DSCAML1: variants seen among roughly 807,000 people sequenced by gnomAD.
The protein encoded by DSCAML1 is cell adhesion molecule DSCAML1.
DSCAML1 carries 38 observed loss-of-function variants against 200.5 expected under a neutral mutation model. The ratio of observed to expected loss-of-function variants is 0.19; its 90% CI spans 0.15 to 0.25. The LOEUF (loss-of-function observed/expected upper bound fraction) is 0.25, where lower values mean the gene tolerates loss of function less well. Among genes scored for constraint, DSCAML1 ranks in the 10% least tolerant of loss-of-function variants. The pLI, the probability that DSCAML1 is intolerant of heterozygous loss-of-function variation, is 1.00. For missense variants in DSCAML1, 2,223 were observed against 2,858.8 expected (o/e 0.78, Z 5.07); for synonymous variants, 1,215 against 1,165.0 (o/e 1.04, Z -0.87).
intron 3 of DSCAML1, among the ~76,000 whole-genome samples, chr11:117,552,019 G>A (rs2050475358): frequency 6.6e-6 from 1 of 151,054 alleles, no homozygotes; most frequent in Non-Finnish European, 1.5e-5. Context: ...GAGTATGGAG[G>A]GGGAAGAGAA....
At chr11:117,491,429 A>G (rs1396322561) in intron 11 of DSCAML1, among the ~76,000 whole-genome samples, 1 of 152,242 alleles carries the variant, frequency 6.6e-6, no homozygotes, top group Non-Finnish European at 1.5e-5. Context: ...TGGCAGAGTC[A>G]GGCCATGGCC....
At chr11:117,545,565 G>C (rs2050358145) in intron 3 of DSCAML1, among the ~76,000 whole-genome samples, 1 of 152,176 alleles carries the variant, frequency 6.6e-6, no homozygotes, top group African/African-American at 2.4e-5. Flanking sequence ...ATGAAGATGG[G>C]GAGGGGAGAA....
chr11:117,612,646 C>A (rs1341949619), intron 3 of DSCAML1, among the ~76,000 whole-genome samples: 1 of 152,220 alleles, frequency 6.6e-6, no homozygotes, highest in Non-Finnish European at 1.5e-5. Flanking sequence ...AGCAGCCCTC[C>A]CCAGCCAGTG....
At chr11:117,562,562 A>G (rs1438506172) in intron 3 of DSCAML1, among the ~76,000 whole-genome samples, 2 of 152,220 alleles carry the variant, frequency 1.3e-5, no homozygotes, top group Non-Finnish European at 2.9e-5. Flanking sequence ...TCTGAGGCCC[A>G]AGGTTAAAGA....
At chr11:117,455,011 T>C (rs2048346444) in intron 19 of DSCAML1, among the ~76,000 whole-genome samples, 1 of 152,184 alleles carries the variant, frequency 6.6e-6, no homozygotes, top group Non-Finnish European at 1.5e-5. Flanking sequence ...ATTCAGCAAA[T>C]GTCCCCTAGG....
chr11:117,727,617 G>A (rs563161340), intron 3 of DSCAML1, among the ~76,000 whole-genome samples: 7 of 152,192 alleles, frequency 4.6e-5, no homozygotes, highest in Admixed American at 6.5e-5. Flanking sequence ...GGTGAATGTC[G>A]GCAGGGATCA....
chr11:117,581,471 A>G (rs2051038789), intron 3 of DSCAML1, among the ~76,000 whole-genome samples: 1 of 152,006 alleles, frequency 6.6e-6, no homozygotes, highest in Admixed American at 6.6e-5. Context: ...CCCCAACCCC[A>G]GCTCCTGGCA....
At chr11:117,517,180 C>A (rs1013510839) in intron 7 of DSCAML1, among the ~76,000 whole-genome samples, 6 of 151,974 alleles carry the variant, frequency 3.9e-5, no homozygotes, top group African/African-American at 1.5e-4. Flanking sequence ...GATCTCGTAC[C>A]CAAAAGGAAT....
chr11:117,802,307 G>A (rs2055667658), intron 1 of DSCAML1, among the ~76,000 whole-genome samples: 1 of 152,144 alleles, frequency 6.6e-6, no homozygotes, highest in African/African-American at 2.4e-5. Flanking sequence ...CACTGCCTCA[G>A]ACATCTACTT....
intron 3 of DSCAML1, among the ~76,000 whole-genome samples, chr11:117,702,246 G>A (rs907930705): frequency 1.2e-4 from 18 of 152,150 alleles, no homozygotes; most frequent in African/African-American, 3.4e-4. Flanking sequence ...CTGATGAGGC[G>A]CAGAAAATCC....
intron 14 of DSCAML1, among the ~76,000 whole-genome samples, chr11:117,479,600 C>A (rs539323537): frequency 2.0e-4 from 30 of 152,252 alleles, no homozygotes; most frequent in Non-Finnish European, 3.8e-4. Flanking sequence ...AGTGGCGGGG[C>A]GGCCGCACAG....
chr11:117,433,189 T>C lies in DSCAML1; in HGVS notation c.4975A>G (p.Ile1659Val), dbSNP rs778927715. ...TCGATGAGCAGCTGGACCCTGGGGA[T>C]GTCAATGTGTAGCCGTGGGCCCTGG... is the stretch of plus-strand genomic sequence containing the variant. ...PPQGPRLHID[I>V]PRVQLLIEDK... The change falls in exon 29 of 33, where the codon ATC becomes GTC. Residue 1659 changes from isoleucine (I) to valine (V), a missense_variant. This residue lies in a region of DSCAML1 where 614 missense variants were observed against 739.1 expected (regional missense o/e 0.83). Coordinates refer to ENST00000651296, the MANE Select transcript of DSCAML1 (RefSeq NM_020693.4). 6.2e-7 allele frequency: 1 copy of C among 1,614,138 alleles called. No homozygotes were observed. The highest frequency in any genetic ancestry group is 2.2e-5 in the East Asian group (1 of 44,874).
chr11:117,799,942 C>A (rs7125694), upstream of DSCAML1, among the ~76,000 whole-genome samples: 32 of 151,556 alleles, frequency 2.1e-4, no homozygotes, highest in Non-Finnish European at 3.7e-4. Flanking sequence ...AATGCTGGGA[C>A]GATATTGTGC....
At chr11:117,451,515 T>C (rs1488168210) in intron 19 of DSCAML1, among the ~76,000 whole-genome samples, 1 of 152,218 alleles carries the variant, frequency 6.6e-6, no homozygotes, top group Non-Finnish European at 1.5e-5. Context: ...AAAGGTTGTA[T>C]TGAGAATTAG....
intron 3 of DSCAML1, among the ~76,000 whole-genome samples, chr11:117,694,389 G>C (rs1017840766): frequency 2.2e-4 from 33 of 150,174 alleles, no homozygotes; most frequent in African/African-American, 6.1e-4. Context: ...CTGGGCAACA[G>C]AGCTAGACTC....
chr11:117,812,262 C>T (rs1001839458), intron 1 of DSCAML1, among the ~76,000 whole-genome samples: 9 of 152,178 alleles, frequency 5.9e-5, no homozygotes, highest in Non-Finnish European at 1.2e-4. Flanking sequence ...GCCAATATCC[C>T]ATCCCACAGC....
chr11:117,486,347 ATAATGGCGGATGTG>A (rs2049058312), intron 11 of DSCAML1, among the ~76,000 whole-genome samples: 2 of 151,468 alleles, frequency 1.3e-5, no homozygotes, highest in African/African-American at 4.9e-5. Flanking sequence ...GGCGGATGTG[ATAATGGCGGATGTG>A]AAAGTGGCTG....
intron 3 of DSCAML1, among the ~76,000 whole-genome samples, chr11:117,651,759 A>G (rs575937487): frequency 6.6e-6 from 1 of 151,486 alleles, no homozygotes; most frequent in South Asian, 2.1e-4. Flanking sequence ...ATCCCTAAAA[A>G]TTTGTTGTCC....
chr11:117,499,201 C>T (rs931972129), intron 11 of DSCAML1, among the ~76,000 whole-genome samples: 3 of 152,214 alleles, frequency 2.0e-5, no homozygotes, highest in African/African-American at 7.2e-5. Flanking sequence ...CATTATCTCC[C>T]TTCCTTTTTT....
Sources: gnomAD v4.1 joint callset for allele counts (sites outside exome capture counted in the v4.1 genomes callset) on GRCh38, gnomAD v4.1.1 for gene constraint, gnomAD v4.1.1 regional missense constraint, MANE v1.5 for transcripts, NCBI Gene and HGNC (gene_info 2026-07-23, HGNC 2026-07-21) for gene names.